Variants in PTPRG observed in about 807,000 individuals in gnomAD.
PTPRG encodes receptor-type tyrosine-protein phosphatase gamma.
PTPRG carries 102 observed loss-of-function variants against 165.3 expected under a neutral mutation model. The observed-to-expected ratio is 0.62, with a 90% CI of 0.53 to 0.73. The LOEUF (loss-of-function observed/expected upper bound fraction) is 0.73, where lower values mean the gene tolerates loss of function less well. Among genes scored for constraint, PTPRG ranks in the 30% least tolerant of loss-of-function variants. The pLI is 0.00. For missense variants in PTPRG, 1,866 were observed against 1,861.4 expected (o/e 1.00, Z -0.05); for synonymous variants, 675 against 669.5 (o/e 1.01, Z -0.13).
intron 2 of PTPRG, among the ~76,000 whole-genome samples, chr3:61,861,944 A>C: frequency 6.6e-6 from 1 of 152,202 alleles, no homozygotes; most frequent in East Asian, 1.9e-4. Context: ...AAGATATGAC[A>C]CAAGCAGAGG....
At chr3:61,679,773 C>A (rs141711845) in intron 1 of PTPRG, among the ~76,000 whole-genome samples, 1 of 152,078 alleles carries the variant, frequency 6.6e-6, no homozygotes, top group Non-Finnish European at 1.5e-5. Flanking sequence ...GAGCGAAACT[C>A]TGTCTCAAAA....
At chr3:62,033,571 TC>T (rs1699844696) in intron 4 of PTPRG, among the ~76,000 whole-genome samples, 1 of 138,740 alleles carries the variant, frequency 7.2e-6, no homozygotes, top group African/African-American at 2.6e-5. Context: ...CTCCCTGTGT[TC>T]CACGCTGGTC....
chr3:62,114,093 G>T (rs937838402), intron 5 of PTPRG, among the ~76,000 whole-genome samples: 1 of 152,224 alleles, frequency 6.6e-6, no homozygotes, highest in South Asian at 2.1e-4. Context: ...GAGGTCAGGA[G>T]TTCGAGACCA....
intron 12 of PTPRG, among the ~76,000 whole-genome samples, chr3:62,212,164 C>T (rs73840271): frequency 0.013 from 1,966 of 152,154 alleles, 43 homozygotes; most frequent in African/African-American, 0.045. Context: ...GAAGACATTT[C>T]AGGAGCAGGC....
intron 4 of PTPRG, among the ~76,000 whole-genome samples, chr3:62,037,549 G>A (rs1699986166): frequency 6.6e-6 from 1 of 152,110 alleles, no homozygotes; most frequent in Admixed American, 6.5e-5. Flanking sequence ...GAGAACTTCT[G>A]GTCCAGATGT....
At chr3:62,126,451 A>G (rs376947045) in intron 5 of PTPRG, among the ~76,000 whole-genome samples, 100 of 152,262 alleles carry the variant, frequency 6.6e-4, no homozygotes, top group East Asian at 5.4e-3. Context: ...GGTGAATCCT[A>G]TTAGCATTTA....
chr3:61,884,932 A>G (rs538686257), intron 2 of PTPRG, among the ~76,000 whole-genome samples: 14 of 152,316 alleles, frequency 9.2e-5, no homozygotes, highest in Non-Finnish European at 1.3e-4. Flanking sequence ...GTTAAAGCTA[A>G]GGAAAGTGGG....
At chr3:62,290,747 AC>A (rs1471986980) in intron 28 of PTPRG, among the ~76,000 whole-genome samples, 1 of 152,140 alleles carries the variant, frequency 6.6e-6, no homozygotes, top group East Asian at 1.9e-4. Flanking sequence ...CTGTAATCAG[AC>A]CCCTTCCTTA....
In PTPRG at chr3:62,041,109, G is replaced by T. The variant is rs564448748; in HGVS notation, c.520-37054G>T. On this transcript the variant is annotated intron_variant, in intron 4 of 29. Coordinates refer to ENST00000474889, the MANE Select transcript of PTPRG (RefSeq NM_002841.4). ...GTAATACCTGATGCTTGTGGTGGTT[G>T]TGAGAATTAAAGGAGTTGATACATA... Among the ~76,000 whole-genome samples, 9 of 152,294 alleles carry T rather than the reference G, an allele frequency of 5.9e-5. No homozygotes were observed. In the East Asian group the frequency reaches 1.7e-3, roughly 29 times the overall value.
At chr3:61,720,340 T>C (rs540132469) in intron 1 of PTPRG, among the ~76,000 whole-genome samples, 3 of 152,282 alleles carry the variant, frequency 2.0e-5, no homozygotes, top group African/African-American at 7.2e-5. Context: ...ACCAGTCTGC[T>C]TTTGAATTCC....
At chr3:62,211,290 C>G (rs1298119810) in intron 12 of PTPRG, among the ~76,000 whole-genome samples, 3 of 152,168 alleles carry the variant, frequency 2.0e-5, no homozygotes, top group Non-Finnish European at 2.9e-5. Context: ...CCACCTATAT[C>G]TAGCATAGTC....
chr3:61,636,843 C>A (rs1305428469), intron 1 of PTPRG, among the ~76,000 whole-genome samples: 1 of 152,106 alleles, frequency 6.6e-6, no homozygotes, highest in Non-Finnish European at 1.5e-5. Flanking sequence ...TGATTAATCT[C>A]ATGTAGTATT....
intron 1 of PTPRG, among the ~76,000 whole-genome samples, chr3:61,655,878 C>G (rs536161343): frequency 2.0e-5 from 3 of 152,286 alleles, no homozygotes; most frequent in Admixed American, 2.0e-4. Context: ...AATTGTGAAA[C>G]TGTGTCTGGC....
At chr3:62,167,552 A>G (rs180866519) in intron 7 of PTPRG, among the ~76,000 whole-genome samples, 1 of 152,318 alleles carries the variant, frequency 6.6e-6, no homozygotes, top group East Asian at 1.9e-4. Flanking sequence ...TTCAGGTCAC[A>G]GAGTGGGTAG....
chr3:61,658,117 T>C (rs1425087733), intron 1 of PTPRG, among the ~76,000 whole-genome samples: 2 of 152,220 alleles, frequency 1.3e-5, no homozygotes, highest in African/African-American at 4.8e-5. Flanking sequence ...GATTTGGAAT[T>C]GAATCTGCAT....
chr3:62,077,102 C>T (rs1050847272), intron 4 of PTPRG, among the ~76,000 whole-genome samples: 2 of 151,966 alleles, frequency 1.3e-5, no homozygotes, highest in Non-Finnish European at 2.9e-5. Flanking sequence ...CCTGTCCTTA[C>T]AGAAAATACA....
At chr3:61,741,363 G>T (rs1016657135) in intron 1 of PTPRG, among the ~76,000 whole-genome samples, 9 of 152,132 alleles carry the variant, frequency 5.9e-5, no homozygotes, top group Non-Finnish European at 8.8e-5. Flanking sequence ...GAAGAACTAG[G>T]ACTCTGTATA....
chr3:61,906,596 C>T (rs2038663637), intron 2 of PTPRG, among the ~76,000 whole-genome samples: 1 of 151,982 alleles, frequency 6.6e-6, no homozygotes, highest in Non-Finnish European at 1.5e-5. Context: ...ATAGGTAGAC[C>T]CCATTTCTCC....
At chr3:62,105,779 T>C (rs889651401) in intron 5 of PTPRG, among the ~76,000 whole-genome samples, 2 of 152,178 alleles carry the variant, frequency 1.3e-5, no homozygotes, top group African/African-American at 4.8e-5. Flanking sequence ...GAGGTATAAT[T>C]TGTGAATCAG....
Sources: gnomAD v4.1 joint callset for allele counts (sites outside exome capture counted in the v4.1 genomes callset) on GRCh38, gnomAD v4.1.1 for gene constraint, MANE v1.5 for transcripts, NCBI Gene and HGNC (gene_info 2026-07-23, HGNC 2026-07-21) for gene names.